Variants in TMEM182 observed in about 807,000 individuals in gnomAD.
TMEM182 encodes the protein transmembrane protein 182.
A neutral mutation model predicts 26.8 loss-of-function variants in TMEM182; 20 were observed. The ratio of observed to expected loss-of-function variants is 0.75; its 90% CI spans 0.53 to 1.09. TMEM182 has a LOEUF of 1.09. Ranked by LOEUF, TMEM182 falls within the 50% of genes least tolerant of loss-of-function variation. The probability of loss-of-function intolerance (pLI) is 0.00; values close to 1 mark genes in which losing one functional copy is unlikely to be tolerated. For synonymous variants in TMEM182, 109 were observed against 102.2 expected (o/e 1.07, Z -0.40); for missense variants, 277 against 275.5 (o/e 1.01, Z -0.04).
chr2:102,777,615 C>T (rs570638777), intron 3 of TMEM182, among the ~76,000 whole-genome samples: 1 of 152,118 alleles, frequency 6.6e-6, no homozygotes, highest in South Asian at 2.1e-4. Flanking sequence ...GTTTAGCTTG[C>T]TTTCCTGCAA....
chr2:102,817,218 C>G lies in TMEM182; in HGVS notation c.*2250C>G. On this transcript the variant is annotated 3_prime_UTR_variant, in exon 5 of 5. Coordinates refer to ENST00000412401, the MANE Select transcript of TMEM182 (RefSeq NM_144632.5). ...ATATCTGATTTGAGATACTGTGTTG[C>G]CAAATGTCCATGTTATGTTTATTTC... 1 of 985,264 alleles carries G rather than the reference C, an allele frequency of 1.0e-6. No homozygotes were observed. The highest frequency in any genetic ancestry group is 1.2e-6 in the Non-Finnish European group (1 of 829,866). 61.0% of individuals were successfully genotyped at this position (985,264 alleles called of 1,614,324 possible). A position where few individuals can be genotyped will look rare whatever the true frequency, so the allele number is the denominator to read the frequency against.
rs371050785 is a variant in TMEM182, at chr2:102,768,722, G to A, written c.331+4295G>A. ...TCTCAAAAAAAATTTATTTTTTTGC[G>A]TGCTTTTTGTAATTTTTGGTCTTCC... is the stretch of plus-strand genomic sequence containing the variant. On this transcript the variant is annotated intron_variant, in intron 3 of 4. Transcript: ENST00000412401. 8.4e-4 allele frequency among the ~76,000 whole-genome samples: 127 copies of A among 151,894 alleles called. No individual in the cohort carries two copies. The South Asian group carries it at 0.016, about 19-fold the overall frequency.
At chr2:102,773,486 A>G (rs1680769005) in intron 3 of TMEM182, among the ~76,000 whole-genome samples, 1 of 151,450 alleles carries the variant, frequency 6.6e-6, no homozygotes, top group Non-Finnish European at 1.5e-5. Context: ...CAGAGGGAAC[A>G]CTGCAAAGGC....
intron 3 of TMEM182, among the ~76,000 whole-genome samples, chr2:102,782,041 C>T (rs1176168969): frequency 6.6e-6 from 1 of 152,170 alleles, no homozygotes; most frequent in South Asian, 2.1e-4. Context: ...CGTGGTGGCT[C>T]ACTCCTGTAA....
downstream of TMEM182, among the ~76,000 whole-genome samples, chr2:102,819,856 C>T (rs1338128872): frequency 6.6e-6 from 1 of 152,152 alleles, no homozygotes; most frequent in Non-Finnish European, 1.5e-5. Context: ...GGGCAAATAA[C>T]AAGTGCTACC....
At position 102,762,570 on chromosome 2, in the gene TMEM182, CA is replaced by C. The variant is rs753172269; in HGVS notation, c.133-16del. 2.3e-4 allele frequency: 369 copies of C among 1,598,152 alleles called. 1 individual carries two copies. The highest frequency in any genetic ancestry group is 3.1e-4 in the South Asian group (27 of 87,154). On this transcript the variant is annotated splice_polypyrimidine_tract_variant and intron_variant, in intron 1 of 4. Transcript: ENST00000412401. ...TTCTTGTATTGATGGCAAGTTACTTCATTTTGTTCTGTGCAGATAGAGAACG... is the reference window on the plus strand; with the variant it reads ...TTCTTGTATTGATGGCAAGTTACTTCTTTTGTTCTGTGCAGATAGAGAACG...
rs142691898 is a variant in TMEM182 at position 102,792,436 on chromosome 2, A to G, written c.332-5427A>G. Among the ~76,000 whole-genome samples the G allele has an allele frequency of 1.2e-4, 18 of 152,264 alleles. No individual in the cohort carries two copies. The East Asian group carries it at 3.5e-3, about 29-fold the overall frequency. On this transcript the variant is annotated intron_variant, in intron 3 of 4. Coordinates refer to ENST00000412401, the MANE Select transcript of TMEM182 (RefSeq NM_144632.5). ...TAATAAGCAGAGAAGCTCCCATATC[A>G]TGTTTCAGTTCCCAAATGAATGTGC...
In TMEM182 at chr2:102,762,595, C is replaced by T. The variant is rs540932130; in HGVS notation, c.141C>T (p.Asn47=). The T allele has an allele frequency of 9.9e-6, 16 of 1,613,428 alleles. No homozygotes were observed. The highest frequency in any genetic ancestry group is 9.3e-5 in the African/African-American group (7 of 75,004). ...GRCSGEKNIE[N]VTFHHEGFFW... is the part of the protein sequence containing the mutation. ...CATTTTGTTCTGTGCAGATAGAGAA[C>T]GTCACTTTTCACCATGAAGGGTTCT... Residue 47 remains asparagine (N), a synonymous_variant, in exon 2 of 5, where the codon AAC becomes AAT. Coordinates refer to ENST00000412401, the MANE Select transcript of TMEM182 (RefSeq NM_144632.5).
intron 3 of TMEM182, among the ~76,000 whole-genome samples, chr2:102,836,200 A>G (rs1198186722): frequency 1.3e-5 from 2 of 152,226 alleles, no homozygotes; most frequent in African/African-American, 4.8e-5. Flanking sequence ...ATAGACATCC[A>G]TGTGCAGATT....
intron 1 of TMEM182, among the ~76,000 whole-genome samples, chr2:102,738,861 A>G (rs1679463978): frequency 6.6e-6 from 1 of 152,200 alleles, no homozygotes; most frequent in South Asian, 2.1e-4. Flanking sequence ...TTCAGATGCC[A>G]GAGTTTTCCT....
intron 3 of TMEM182, among the ~76,000 whole-genome samples, chr2:102,790,609 C>T (rs1032744689): frequency 2.0e-5 from 3 of 152,200 alleles, no homozygotes; most frequent in Admixed American, 6.5e-5. Context: ...TAATAGTCAA[C>T]TTTACTTCAC....
chr2:102,801,791 A>G (rs768485742), intron 4 of TMEM182, among the ~76,000 whole-genome samples: 2 of 152,238 alleles, frequency 1.3e-5, no homozygotes, highest in Admixed American at 6.5e-5. Flanking sequence ...GATAGTGTTT[A>G]CAAGGCTTTT....
At chr2:102,753,037 A>T (rs1295729461) in intron 1 of TMEM182, among the ~76,000 whole-genome samples, 3 of 152,260 alleles carry the variant, frequency 2.0e-5, no homozygotes, top group Non-Finnish European at 4.4e-5. Context: ...TTTATAAAAT[A>T]GATCTATCTC....
intron 1 of TMEM182, among the ~76,000 whole-genome samples, chr2:102,756,167 A>G (rs1680025710): frequency 6.6e-6 from 1 of 152,234 alleles, no homozygotes; most frequent in Non-Finnish European, 1.5e-5. Context: ...GTGAGAAATT[A>G]GTCTGGTTTG....
chr2:102,755,568 G>A (rs967272224), intron 1 of TMEM182, among the ~76,000 whole-genome samples: 4 of 152,160 alleles, frequency 2.6e-5, no homozygotes, highest in Non-Finnish European at 5.9e-5. Context: ...CTTGGAGCAG[G>A]CAAGTGATAT....
chr2:102,761,903 G>C (rs1680226069), upstream of TMEM182: 1 of 277,640 alleles, frequency 3.6e-6, no homozygotes, highest in Non-Finnish European at 6.9e-6. Context: ...TCTCTCTATA[G>C]TCAAGAGAAG....
intron 3 of TMEM182, among the ~76,000 whole-genome samples, chr2:102,779,697 T>G (rs1681078429): frequency 1.3e-5 from 2 of 152,262 alleles, no homozygotes; most frequent in Non-Finnish European, 2.9e-5. Context: ...CTATTTTTTT[T>G]TTTTTAATTT....
rs1425062976 is a variant in TMEM182, at chr2:102,743,172, T to TA, written c.-83+6161dup. ...GGGAGCATTTCGAAATACAAAGTCA[T>TA]AAGGTATCAACAATACCTGCAAGTC... On this transcript the variant is annotated intron_variant, in intron 1 of 5. Coordinates refer to the TMEM182 transcript ENST00000409173. 2.6e-5 allele frequency among the ~76,000 whole-genome samples: 4 copies of TA among 152,288 alleles called. No individual in the cohort carries two copies. The East Asian group carries it at 7.7e-4, about 29-fold the overall frequency.
chr2:102,783,321 A>G (rs1364633448), intron 3 of TMEM182, among the ~76,000 whole-genome samples: 1 of 152,232 alleles, frequency 6.6e-6, no homozygotes, highest in Non-Finnish European at 1.5e-5. Context: ...AGTTCAATGT[A>G]TGCAGTTCAT....
Sources: allele counts gnomAD v4.1 joint callset (sites outside exome capture counted in the v4.1 genomes callset), GRCh38; gene constraint gnomAD v4.1.1; transcripts MANE v1.5; gene names NCBI Gene and HGNC (gene_info 2026-07-23, HGNC 2026-07-21).